LRRC3B: variants seen among roughly 807,000 people sequenced by gnomAD.
The protein encoded by LRRC3B is leucine rich repeat containing 3B.
A neutral mutation model predicts 12.8 loss-of-function variants in LRRC3B; 2 were observed. The ratio of observed to expected loss-of-function variants is 0.16; its 90% CI spans 0.06 to 0.49. The LOEUF (loss-of-function observed/expected upper bound fraction) is 0.49, where lower values mean the gene tolerates loss of function less well. Among genes scored for constraint, LRRC3B ranks in the 20% least tolerant of loss-of-function variants. LRRC3B has a pLI of 0.96. For synonymous variants in LRRC3B, 132 were observed against 122.0 expected (o/e 1.08, Z -0.54); for missense variants, 189 against 319.4 (o/e 0.59, Z 3.11).
chr3:26,669,209 G>A (rs1234919849), intron 1 of LRRC3B, among the ~76,000 whole-genome samples: 1 of 152,164 alleles, frequency 6.6e-6, no homozygotes, highest in African/African-American at 2.4e-5. Flanking sequence ...TCTTGTGTTT[G>A]TGAAGGTGAA....
intron 1 of LRRC3B, among the ~76,000 whole-genome samples, chr3:26,686,592 G>A (rs757491820): frequency 3.3e-5 from 5 of 152,018 alleles, no homozygotes; most frequent in Non-Finnish European, 7.4e-5. Context: ...ATTGAAAAAA[G>A]TAAATATTCA....
chr3:26,672,862 G>A (rs1477711361), intron 1 of LRRC3B, among the ~76,000 whole-genome samples: 1 of 152,146 alleles, frequency 6.6e-6, no homozygotes, highest in Non-Finnish European at 1.5e-5. Context: ...TTGTTTAAGA[G>A]CCACTTTTTT....
intron 1 of LRRC3B, among the ~76,000 whole-genome samples, chr3:26,649,975 A>G (rs1353393694): frequency 2.6e-5 from 4 of 152,194 alleles, no homozygotes; most frequent in Non-Finnish European, 5.9e-5. Context: ...TTTAAGACCC[A>G]GGACAAACAC....
At chr3:26,710,616 AATTT>A (rs1700729282) in exon 2 of LRRC3B, 2 of 690,698 alleles carry the variant, frequency 2.9e-6, no homozygotes, top group South Asian at 6.0e-5. Context: ...CAACATAAAT[AATTT>A]GAGTTTAGGT....
rs145782232 is a variant in LRRC3B, at chr3:26,683,389, T to G, written c.-160-26124T>G. Among the ~76,000 whole-genome samples, 51 of 152,124 alleles carry G rather than the reference T, an allele frequency of 3.4e-4. No homozygotes were observed. The East Asian group carries it at 8.9e-3, about 26-fold the overall frequency. ...TATTGGCAAAGCCAGATTTCAGCAG[T>G]TGTAGCATCATATTTCTTTGGGGCC... On this transcript the variant is annotated intron_variant, in intron 1 of 1. Coordinates refer to ENST00000396641, the Ensembl canonical transcript of LRRC3B.
chr3:26,696,589 C>A (rs959715769), intron 1 of LRRC3B, among the ~76,000 whole-genome samples: 2 of 152,182 alleles, frequency 1.3e-5, no homozygotes, highest in Non-Finnish European at 2.9e-5. Flanking sequence ...GTTGTCCCAG[C>A]ACAGTTGTCA....
chr3:26,693,896 C>A (rs1379332990), intron 1 of LRRC3B, among the ~76,000 whole-genome samples: 1 of 152,106 alleles, frequency 6.6e-6, no homozygotes, highest in Non-Finnish European at 1.5e-5. Context: ...ACACAATAGT[C>A]CATTCATCTT....
At chr3:26,685,596 TA>T (rs1205463285) in intron 1 of LRRC3B, among the ~76,000 whole-genome samples, 1 of 133,258 alleles carries the variant, frequency 7.5e-6, no homozygotes, top group African/African-American at 3.2e-5. Context: ...GCTTCACTCA[TA>T]TATATATATG....
At chr3:26,691,133 A>ATATATATATATG (rs1559368596) in intron 1 of LRRC3B, among the ~76,000 whole-genome samples, 13 of 143,236 alleles carry the variant, frequency 9.1e-5, no homozygotes, top group African/African-American at 2.8e-4. Context: ...ATATATATAT[A>ATATATATATATG]TGAGACAGGA....
At chr3:26,674,713 C>T (rs918815635) in intron 1 of LRRC3B, among the ~76,000 whole-genome samples, 4 of 152,060 alleles carry the variant, frequency 2.6e-5, no homozygotes, top group African/African-American at 7.2e-5. Flanking sequence ...ACATCACAAC[C>T]GGGAAGCCCC....
Position 26,645,625 on chromosome 3 carries a change from C to T in LRRC3B, c.-161+22388C>T, listed in dbSNP as rs543140505. ...ATTTTTTGAATGCCTACTATGCTTC[C>T]GGCATTGCTCTTAGGCTCTGGAGGT... On this transcript the variant is annotated intron_variant, in intron 1 of 1. Transcript: ENST00000396641. 5.1e-4 allele frequency among the ~76,000 whole-genome samples: 77 copies of T among 151,952 alleles called. 1 individual carries two copies. In the South Asian group the frequency reaches 0.013, roughly 25 times the overall value.
At chr3:26,677,133 A>ATCCT (rs767259008) in intron 1 of LRRC3B, among the ~76,000 whole-genome samples, 54 of 152,290 alleles carry the variant, frequency 3.5e-4, no homozygotes, top group Non-Finnish European at 6.6e-4. Flanking sequence ...AAACCATACC[A>ATCCT]TCCTTCTTCA....
intron 1 of LRRC3B, among the ~76,000 whole-genome samples, chr3:26,648,355 C>A (rs1227258366): frequency 6.6e-6 from 1 of 152,004 alleles, no homozygotes; most frequent in Non-Finnish European, 1.5e-5. Context: ...CCCCTCCTTC[C>A]CTGACACCTT....
intron 1 of LRRC3B, among the ~76,000 whole-genome samples, chr3:26,644,411 C>T (rs1435028696): frequency 1.3e-5 from 2 of 152,176 alleles, no homozygotes; most frequent in Admixed American, 1.3e-4. Flanking sequence ...TTCACATCTA[C>T]TTCATATTGG....
intron 1 of LRRC3B, among the ~76,000 whole-genome samples, chr3:26,662,583 CAGAT>C (rs1699515281): frequency 1.3e-5 from 2 of 152,022 alleles, no homozygotes; most frequent in Non-Finnish European, 2.9e-5. Context: ...GACAGACAGA[CAGAT>C]AAACAGGCAT....
At chr3:26,688,027 A>G (rs886229150) in intron 1 of LRRC3B, among the ~76,000 whole-genome samples, 2 of 152,198 alleles carry the variant, frequency 1.3e-5, no homozygotes, top group East Asian at 3.9e-4. Context: ...TGAAGCTTCC[A>G]TCTTGGTTAC....
intron 1 of LRRC3B, among the ~76,000 whole-genome samples, chr3:26,670,523 A>C (rs1267466157): frequency 6.6e-6 from 1 of 152,166 alleles, no homozygotes; most frequent in Admixed American, 6.5e-5. Flanking sequence ...GGAGCTAAGG[A>C]TATTACTAGG....
intron 1 of LRRC3B, among the ~76,000 whole-genome samples, chr3:26,662,121 A>T (rs953810565): frequency 2.6e-5 from 4 of 152,166 alleles, no homozygotes; most frequent in South Asian, 2.1e-4. Context: ...TTTTAATGAA[A>T]GTCCTCCTTT....
intron 1 of LRRC3B, among the ~76,000 whole-genome samples, chr3:26,661,398 C>A (rs1445053597): frequency 6.6e-6 from 1 of 152,176 alleles, no homozygotes; most frequent in Non-Finnish European, 1.5e-5. Context: ...AAATGCCACA[C>A]AAAATCTTCT....
Sources: allele counts gnomAD v4.1 joint callset (sites outside exome capture counted in the v4.1 genomes callset), GRCh38; gene constraint gnomAD v4.1.1; transcripts MANE v1.5; gene names NCBI Gene and HGNC (gene_info 2026-07-23, HGNC 2026-07-21).